The following CMIP variants were observed in gnomAD, a reference collection of about 807,000 sequenced individuals.
The protein encoded by CMIP is c-Maf inducing protein.
A neutral mutation model predicts 97.3 loss-of-function variants in CMIP; 13 were observed. The ratio of observed to expected loss-of-function variants is 0.13; its 90% confidence interval spans 0.09 to 0.21. The LOEUF is 0.21. Ranked by LOEUF, CMIP falls within the 10% of genes least tolerant of loss-of-function variation. The probability of loss-of-function intolerance (pLI) is 1.00; values close to 1 mark genes in which losing one functional copy is unlikely to be tolerated. For synonymous variants in CMIP, 538 were observed against 436.3 expected, an observed-to-expected ratio of 1.23 and a Z score of -2.91; for missense variants, 847 against 1,024.9, an observed-to-expected ratio of 0.83 and a Z score of 2.37.
intron 17 of CMIP, 133 bp from the exon 18 acceptor site, chr16:81,703,806 T>C: frequency 3.2e-6 from 4 of 1,262,840 alleles, no homozygotes; most frequent in South Asian, 3.1e-5. Context: ...CCATCTCAGC[T>C]CCTGGGATTT....
At position 81,557,496 on chromosome 16, in the gene CMIP, A is replaced by G. The variant is rs569372656; in HGVS notation, c.301-50071A>G. ...TTATGGAGTATAATGTGATAATTTA[A>G]TATATGTTTATAATGTGGAATAATT... On this transcript the variant is annotated intron_variant, in intron 1 of 20. Transcript: ENST00000537098. Among the ~76,000 whole-genome samples, 37 of 152,334 alleles carry G rather than the reference A, an allele frequency of 2.4e-4. No individual in the cohort carries two copies. The East Asian group carries it at 3.5e-3, about 14-fold the overall frequency.
intron 1 of CMIP, chr16:81,476,142 C>A: frequency 9.7e-7 from 1 of 1,027,734 alleles, no homozygotes. Context: ...CCGGAGACCA[C>A]GTGCTTGCGT....
At chr16:81,628,359 G>A (rs185137352) in intron 3 of CMIP, among the ~76,000 whole-genome samples, 103 of 152,316 alleles carry the variant, frequency 6.8e-4, no homozygotes, top group Non-Finnish European at 4.7e-4. Context: ...CGAGCCCCCA[G>A]TTGCACCCCA....
chr16:81,587,010 A>G (rs1351590124), intron 1 of CMIP, among the ~76,000 whole-genome samples: 1 of 152,266 alleles, frequency 6.6e-6, no homozygotes, highest in Non-Finnish European at 1.5e-5. Flanking sequence ...TTCCCAATTT[A>G]GAAAAGTAAA....
chr16:81,574,538 G>A (rs1351896716), intron 1 of CMIP, among the ~76,000 whole-genome samples: 2 of 152,238 alleles, frequency 1.3e-5, no homozygotes, highest in East Asian at 3.8e-4. Flanking sequence ...GCTGTTGGAG[G>A]CTTTACTAAT....
At chr16:81,701,109 A>C (rs1907348750) in intron 15 of CMIP, among the ~76,000 whole-genome samples, 1 of 136,646 alleles carries the variant, frequency 7.3e-6, no homozygotes, top group Admixed American at 7.3e-5. Flanking sequence ...ACATAGCAAG[A>C]CCTCATCTCA....
chr16:81,598,303 G>A (rs2091598112), intron 1 of CMIP, among the ~76,000 whole-genome samples: 1 of 152,132 alleles, frequency 6.6e-6, no homozygotes, highest in South Asian at 2.1e-4. Flanking sequence ...CTGACCAACA[G>A]GGCGGCGCCT....
chr16:81,573,895 T>C (rs983986537), intron 1 of CMIP, among the ~76,000 whole-genome samples: 22 of 152,260 alleles, frequency 1.4e-4, no homozygotes, highest in African/African-American at 5.3e-4. Context: ...GAGCAGTGAG[T>C]GTGTCTCAGA....
Position 81,603,120 on chromosome 16 carries a change from C to T in CMIP, c.301-4447C>T, listed in dbSNP as rs183460811. ...TTTGAGAAGGAGTCTTGCTCTGTTG[C>T]CCAGGCTACAGTGCAGTGGCGCGAT... On this transcript the variant is annotated intron_variant, in intron 1 of 20. Coordinates refer to ENST00000537098, the MANE Select transcript of CMIP (RefSeq NM_198390.3). 1.4e-4 allele frequency among the ~76,000 whole-genome samples: 22 copies of T among 152,268 alleles called. No homozygotes were observed. The East Asian group carries it at 2.7e-3, about 19-fold the overall frequency.
intron 20 of CMIP, among the ~76,000 whole-genome samples, chr16:81,709,203 G>C (rs192683183): frequency 4.6e-5 from 7 of 152,254 alleles, no homozygotes; most frequent in Admixed American, 1.3e-4. Context: ...TGGGTACCTG[G>C]GATTTCCTGG....
intron 18 of CMIP, among the ~76,000 whole-genome samples, 152 bp downstream of exon 18, chr16:81,704,237 CCTTACTCTCCTCCCTGCCCCT>C: frequency 1.1e-5 from 1 of 91,860 alleles, no homozygotes; most frequent in East Asian, 3.7e-4. Flanking sequence ...TCCCTGCCCC[CCTTACTCTCCTCCCTGCCCCT>C]TCACCCTCCT....
intron 1 of CMIP, among the ~76,000 whole-genome samples, chr16:81,466,064 T>G (rs1907186901): frequency 1.3e-5 from 2 of 152,324 alleles, no homozygotes; most frequent in Middle Eastern, 6.8e-3. Context: ...ACTTTTTATT[T>G]TGTCTTATTT....
At chr16:81,475,426 T>C (rs1907843810) in intron 1 of CMIP, among the ~76,000 whole-genome samples, 1 of 152,250 alleles carries the variant, frequency 6.6e-6, no homozygotes, top group African/African-American at 2.4e-5. Flanking sequence ...ATGTTTATTC[T>C]TGTGCATATT....
intron 1 of CMIP, among the ~76,000 whole-genome samples, chr16:81,599,419 C>A (rs2091620674): frequency 2.0e-5 from 3 of 152,180 alleles, no homozygotes. Flanking sequence ...TTTTGACGGG[C>A]CTTCCCCAAA....
intron 1 of CMIP, among the ~76,000 whole-genome samples, chr16:81,457,743 C>T (rs551891288): frequency 3.9e-5 from 6 of 152,328 alleles, no homozygotes; most frequent in East Asian, 3.9e-4. Flanking sequence ...ACTCCTGCAC[C>T]GTCCCACAGT....
chr16:81,597,122 C>T (rs1045851157), intron 1 of CMIP, among the ~76,000 whole-genome samples: 1 of 152,112 alleles, frequency 6.6e-6, no homozygotes, highest in Non-Finnish European at 1.5e-5. Context: ...GTGCAAACAT[C>T]TTTGGGAGCA....
rs1309550750 is a variant in CMIP at position 81,644,159 on chromosome 16, G to T, written c.478-8044G>T. Among the ~76,000 whole-genome samples the T allele has an allele frequency of 3.9e-5, 6 of 152,214 alleles. No homozygotes were observed. The East Asian group carries it at 1.2e-3, about 29-fold the overall frequency. On this transcript the variant is annotated intron_variant, in intron 3 of 20. Transcript: ENST00000537098. Reference sequence around the variant, plus strand: ...GAGATTTTGGGGGTCTCACTTTCTAGTTAAGTTGAGTGTCTTCTCGTTATT... The same window carrying T: ...GAGATTTTGGGGGTCTCACTTTCTATTTAAGTTGAGTGTCTTCTCGTTATT...
chr16:81,685,303 C>G (rs1484097855), intron 10 of CMIP, among the ~76,000 whole-genome samples: 1 of 152,198 alleles, frequency 6.6e-6, no homozygotes, highest in Non-Finnish European at 1.5e-5. Flanking sequence ...TCTGTCCAGA[C>G]CCCGCCTCAG....
At chr16:81,512,263 C>G (rs2089827474) in intron 1 of CMIP, among the ~76,000 whole-genome samples, 1 of 152,152 alleles carries the variant, frequency 6.6e-6, no homozygotes. Flanking sequence ...CTGTGCACTT[C>G]CAGTTGCCTC....
Sources: gnomAD v4.1 joint callset for allele counts (sites outside exome capture counted in the v4.1 genomes callset) on GRCh38, gnomAD v4.1.1 for gene constraint, MANE v1.5 for transcripts, NCBI Gene and HGNC (gene_info 2026-07-23, HGNC 2026-07-21) for gene names.